Variants in JADE3 observed in about 807,000 individuals in gnomAD.
JADE3 encodes the protein jade family PHD finger 3.
JADE3 carries 2 observed loss-of-function variants against 50.1 expected under a neutral mutation model. That is an observed-to-expected ratio of 0.04 (90% CI 0.02 to 0.13). The LOEUF (loss-of-function observed/expected upper bound fraction) is 0.13. Ranked by LOEUF, JADE3 falls within the 10% of genes least tolerant of loss-of-function variation. JADE3 has a pLI of 1.00. For synonymous variants in JADE3, 218 were observed against 232.9 expected, an observed-to-expected ratio of 0.94 and a Z score of 0.58; for missense variants, 475 against 634.4, an observed-to-expected ratio of 0.75 and a Z score of 2.70.
intron 1 of JADE3, among the ~76,000 whole-genome samples, chrX:46,932,730 G>C (rs1372262013): frequency 9.0e-6 from 1 of 111,658 alleles, no homozygotes; most frequent in African/African-American, 3.3e-5. Flanking sequence ...TACTTGAAGA[G>C]GTCTTCACAG....
At chrX:46,987,276 T>C (rs1378191245) in intron 3 of JADE3, among the ~76,000 whole-genome samples, 1 of 112,515 alleles carries the variant, frequency 8.9e-6, no homozygotes, top group Non-Finnish European at 1.9e-5. Flanking sequence ...AGCGTACTTA[T>C]TCAGCGCCAG....
chrX:46,970,283 C>T (rs1207987352), intron 1 of JADE3, among the ~76,000 whole-genome samples: 4 of 112,056 alleles, frequency 3.6e-5, no homozygotes, highest in African/African-American at 1.3e-4. Context: ...TTTCATTTTC[C>T]CTCATTTTTT....
At position 46,961,685 on chromosome X, in the gene JADE3, C is replaced by T. The variant is rs1350292619; in HGVS notation, c.-11-23199C>T. Among the ~76,000 whole-genome samples, 2 of 111,288 alleles carry T rather than the reference C, an allele frequency of 1.8e-5. 1 individual carries two copies. The highest frequency in any genetic ancestry group is 1.9e-4 in the Admixed American group (2 of 10,434). On this transcript the variant is annotated intron_variant, in intron 1 of 10. Coordinates refer to ENST00000614628, the MANE Select transcript of JADE3 (RefSeq NM_014735.5). ...ATGTAAAATACACTGGACGAAAGATCTTATAAAAAACCTTTGAAGGAGGGA... is the reference window on the plus strand; with the variant it reads ...ATGTAAAATACACTGGACGAAAGATTTTATAAAAAACCTTTGAAGGAGGGA...
intron 1 of JADE3, among the ~76,000 whole-genome samples, chrX:46,949,818 A>G (rs1267389703): frequency 1.8e-5 from 2 of 111,648 alleles, no homozygotes; most frequent in African/African-American, 6.5e-5. Context: ...ATGAAATAAT[A>G]TAGTATATAT....
chrX:46,944,499 G>A (rs1172316453), intron 1 of JADE3, among the ~76,000 whole-genome samples: 2 of 109,480 alleles, frequency 1.8e-5, no homozygotes, highest in Admixed American at 9.7e-5. Context: ...GTAGAGATGG[G>A]GTTTCACCAT....
chrX:47,038,230 T>G (rs1929176214), intron 7 of JADE3, among the ~76,000 whole-genome samples: 1 of 112,023 alleles, frequency 8.9e-6, no homozygotes, highest in African/African-American at 3.2e-5. Flanking sequence ...AAATCTTGAC[T>G]ATCGTGAACA....
At chrX:47,012,655 C>G in intron 4 of JADE3, among the ~76,000 whole-genome samples, 1 of 108,810 alleles carries the variant, frequency 9.2e-6, no homozygotes, top group Admixed American at 9.9e-5. Context: ...TGTTGCTTGT[C>G]CTTTTGATGT....
At chrX:46,913,828 G>C (rs938790820) in intron 1 of JADE3, among the ~76,000 whole-genome samples, 1 of 110,682 alleles carries the variant, frequency 9.0e-6, no homozygotes, top group Non-Finnish European at 1.9e-5. Context: ...CAAGAAACTT[G>C]TTTGGCCGCT....
intron 6 of JADE3, among the ~76,000 whole-genome samples, chrX:47,029,587 C>T (rs998953455): frequency 8.0e-5 from 9 of 112,084 alleles, no homozygotes; most frequent in Non-Finnish European, 1.1e-4. Flanking sequence ...GATAACATAG[C>T]AGATAGAAAC....
chrX:47,007,768 AATT>A (rs1928461013), intron 4 of JADE3, among the ~76,000 whole-genome samples: 1 of 107,451 alleles, frequency 9.3e-6, no homozygotes, highest in Non-Finnish European at 1.9e-5. Context: ...TATTTGATGC[AATT>A]ATTAATATGT....
At chrX:46,979,051 A>G (rs2046254587) in intron 1 of JADE3, among the ~76,000 whole-genome samples, 1 of 112,138 alleles carries the variant, frequency 8.9e-6, no homozygotes, top group Non-Finnish European at 1.9e-5. Context: ...CCCAAAAATT[A>G]ACTTGCTTTG....
intron 4 of JADE3, among the ~76,000 whole-genome samples, chrX:47,023,315 T>G (rs1556364870): frequency 9.0e-6 from 1 of 111,375 alleles, no homozygotes; most frequent in African/African-American, 3.3e-5. Flanking sequence ...CTACCATGTG[T>G]TCATGTGTTT....
intron 4 of JADE3, among the ~76,000 whole-genome samples, chrX:47,016,770 T>G (rs1928686616): frequency 9.2e-6 from 1 of 108,670 alleles, no homozygotes; most frequent in Non-Finnish European, 1.9e-5. Flanking sequence ...TCCTCCCGCC[T>G]CAGCCTCGTG....
At chrX:46,995,106 T>C (rs2036793918) in intron 3 of JADE3, among the ~76,000 whole-genome samples, 1 of 106,674 alleles carries the variant, frequency 9.4e-6, no homozygotes, top group Admixed American at 1.0e-4. Flanking sequence ...CTCAGCTCAC[T>C]GCAAGCTCCG....
chrX:46,970,111 A>G (rs1318804844), intron 1 of JADE3, among the ~76,000 whole-genome samples: 2 of 112,445 alleles, frequency 1.8e-5, no homozygotes, highest in Admixed American at 9.4e-5. Context: ...AATGGGTGCA[A>G]TTTGGACATT....
intron 1 of JADE3, among the ~76,000 whole-genome samples, chrX:46,926,267 T>A (rs1201864194): frequency 9.3e-6 from 1 of 106,961 alleles, no homozygotes; most frequent in Non-Finnish European, 1.9e-5. Context: ...ATTTTTTTTT[T>A]AAGACAGGGT....
intron 3 of JADE3, among the ~76,000 whole-genome samples, chrX:46,996,516 A>C (rs1602400592): frequency 8.9e-6 from 1 of 112,287 alleles, no homozygotes; most frequent in African/African-American, 3.2e-5. Flanking sequence ...TTATTCTTTC[A>C]CAGTATGAAG....
intron 1 of JADE3, among the ~76,000 whole-genome samples, chrX:46,938,299 C>T (rs1926679068): frequency 9.0e-6 from 1 of 110,978 alleles, no homozygotes; most frequent in Non-Finnish European, 1.9e-5. Context: ...TTTAGTGCTA[C>T]TACATTTTTA....
chrX:46,995,323 C>T (rs1456127201), intron 3 of JADE3, among the ~76,000 whole-genome samples: 10 of 111,412 alleles, frequency 9.0e-5, no homozygotes, highest in Admixed American at 7.6e-4. Flanking sequence ...GCCACCACGC[C>T]TGGCCTAAGA....
Sources: gnomAD v4.1 joint callset for allele counts (sites outside exome capture counted in the v4.1 genomes callset) on GRCh38, gnomAD v4.1.1 for gene constraint, MANE v1.5 for transcripts, NCBI Gene and HGNC (gene_info 2026-07-23, HGNC 2026-07-21) for gene names.